Variants in ACSM3 observed in about 807,000 individuals in gnomAD.
The protein encoded by ACSM3 is acyl-coenzyme A synthetase ACSM3, mitochondrial.
ACSM3 carries 61 observed loss-of-function variants against 74.1 expected under a neutral mutation model. The observed-to-expected ratio is 0.82, with a 90% CI of 0.67 to 1.02. The LOEUF (loss-of-function observed/expected upper bound fraction) is 1.02. Ranked by LOEUF, ACSM3 falls within the 50% of genes least tolerant of loss-of-function variation. ACSM3 has a pLI of 0.00. For missense variants in ACSM3, 660 were observed against 697.0 expected, an observed-to-expected ratio of 0.95 and a Z score of 0.60; for synonymous variants, 213 against 241.5, an observed-to-expected ratio of 0.88 and a Z score of 1.09.
At chr16:20,742,720 A>G (rs968802884) in intron 1 of ACSM3, among the ~76,000 whole-genome samples, 1 of 150,914 alleles carries the variant, frequency 6.6e-6, no homozygotes, top group Non-Finnish European at 1.5e-5. Flanking sequence ...TGCACGGACA[A>G]GTGGCTGACT....
intron 2 of ACSM3, among the ~76,000 whole-genome samples, chr16:20,750,180 T>G (rs1472873220): frequency 6.6e-6 from 1 of 152,356 alleles, no homozygotes; most frequent in East Asian, 1.9e-4. Flanking sequence ...ACTAGTTACA[T>G]ATATCTATCC....
chr16:20,731,707 A>C (rs1337441413), intron 1 of ACSM3: 10 of 406,526 alleles, frequency 2.5e-5, no homozygotes, highest in Middle Eastern at 3.7e-4. Flanking sequence ...TCATGTGAAA[A>C]AAATCAACTG....
chr16:20,793,401 GGA>G (rs1164502370), intron 12 of ACSM3, among the ~76,000 whole-genome samples: 2 of 152,158 alleles, frequency 1.3e-5, no homozygotes, highest in Admixed American at 6.5e-5. Context: ...CCCGGGACGG[GGA>G]GGTTACAGTG....
intron 3 of ACSM3, among the ~76,000 whole-genome samples, chr16:20,756,583 T>C (rs1183518044): frequency 6.6e-6 from 1 of 152,336 alleles, no homozygotes; most frequent in African/African-American, 2.4e-5. Flanking sequence ...ATTTTGTAAG[T>C]TGCCTTTTCA....
intron 4 of ACSM3, among the ~76,000 whole-genome samples, chr16:20,779,031 G>C (rs1020005374): frequency 2.0e-5 from 3 of 152,140 alleles, no homozygotes; most frequent in South Asian, 4.1e-4. Flanking sequence ...GATTACAGGC[G>C]TGAGCCACTG....
chr16:20,727,552 C>G (rs2079811263), intron 1 of ACSM3: 1 of 268,338 alleles, frequency 3.7e-6, no homozygotes, highest in Non-Finnish European at 7.6e-6. Flanking sequence ...TGAAGTGCCT[C>G]CATCCCACTC....
Position 20,769,237 on chromosome 16 carries a change from T to G in ACSM3, c.-51-747T>G, listed in dbSNP as rs147553851. Among the ~76,000 whole-genome samples, 260 of 152,320 alleles carry G rather than the reference T, an allele frequency of 1.7e-3. 2 individuals carry two copies. The Middle Eastern group carries it at 0.024, about 14-fold the overall frequency. ...CTCAAACACTCATAATCCCTAGAACTGTATTTTTAACAGCCTCAACCAAGT... is the reference window on the plus strand; with the variant it reads ...CTCAAACACTCATAATCCCTAGAACGGTATTTTTAACAGCCTCAACCAAGT... On this transcript the variant is annotated intron_variant, in intron 1 of 13. Coordinates refer to ENST00000289416, the MANE Select transcript of ACSM3 (RefSeq NM_005622.4).
At position 20,711,803 on chromosome 16, in the gene ACSM3, A is replaced by G. The variant is rs2079744919; in HGVS notation, c.-190+36981A>G. On this transcript the variant is annotated intron_variant, in intron 1 of 3. Transcript: ENST00000561584. ...GAGTTGATCTGGGCTCCTACTCGGA[A>G]AAGAATTACCTAATAACCAGATTTA... is the stretch of plus-strand genomic sequence containing the variant. The G allele has an allele frequency of 4.5e-5, 15 of 336,574 alleles. No homozygotes were observed. The Admixed American group carries it at 6.1e-4, about 14-fold the overall frequency. The allele number at this position is 336,574 out of a possible 1,614,324, so 20.8% of individuals were successfully genotyped here.
chr16:20,691,320 T>A (rs1290202868), intron 1 of ACSM3: 1 of 712,192 alleles, frequency 1.4e-6, no homozygotes, highest in African/African-American at 1.8e-5. Context: ...GGTTAATTGC[T>A]ACAGTTATAG....
At chr16:20,769,163 T>C (rs1362040866) in intron 1 of ACSM3, among the ~76,000 whole-genome samples, 1 of 152,184 alleles carries the variant, frequency 6.6e-6, no homozygotes, top group African/African-American at 2.4e-5. Flanking sequence ...GTAATATATA[T>C]TGCATTGTAG....
At chr16:20,733,029 T>C (rs1289643318) in intron 1 of ACSM3, 1 of 153,626 alleles carries the variant, frequency 6.5e-6, no homozygotes, top group African/African-American at 2.4e-5. Flanking sequence ...GTAATATGAT[T>C]GCTTTCTCGA....
chr16:20,676,105 A>G (rs1180180927), intron 1 of ACSM3: 1 of 152,248 alleles, frequency 6.6e-6, no homozygotes, highest in Non-Finnish European at 1.5e-5. Flanking sequence ...GTTCAAAGAG[A>G]TACAGGCTCC....
chr16:20,675,402 T>C (rs947204277), intron 1 of ACSM3, among the ~76,000 whole-genome samples: 1 of 152,036 alleles, frequency 6.6e-6, no homozygotes, highest in Non-Finnish European at 1.5e-5. Context: ...ATATGGCTGA[T>C]AGGTTGAGCT....
intron 1 of ACSM3, among the ~76,000 whole-genome samples, chr16:20,686,978 ATTT>A (rs34041438): frequency 0.13 from 16,991 of 135,916 alleles, 1,047 homozygotes; most frequent in South Asian, 0.22. Context: ...AAATTTTGTG[ATTT>A]TTTTTTTTTT....
At chr16:20,753,315 T>C (rs2080002696) in intron 2 of ACSM3, among the ~76,000 whole-genome samples, 1 of 151,688 alleles carries the variant, frequency 6.6e-6, no homozygotes, top group Non-Finnish European at 1.5e-5. Flanking sequence ...AATACAAAAA[T>C]TAGCCAGGCA....
chr16:20,700,066 G>T (rs901331896), intron 1 of ACSM3, among the ~76,000 whole-genome samples: 2 of 152,148 alleles, frequency 1.3e-5, no homozygotes, highest in Non-Finnish European at 2.9e-5. Flanking sequence ...AATGCTCCTG[G>T]AAACCATATA....
intron 12 of ACSM3, among the ~76,000 whole-genome samples, chr16:20,794,071 G>T (rs992330372): frequency 6.6e-6 from 1 of 152,200 alleles, no homozygotes; most frequent in African/African-American, 2.4e-5. Context: ...CCTAGTAGAA[G>T]ATGTGAGTGG....
At chr16:20,701,120 T>A (rs2079711629) in intron 1 of ACSM3, among the ~76,000 whole-genome samples, 1 of 152,090 alleles carries the variant, frequency 6.6e-6, no homozygotes, top group African/African-American at 2.4e-5. Context: ...AGGTCATAAT[T>A]TATATATAAA....
At chr16:20,777,056 T>A (rs1031445527) in intron 3 of ACSM3, among the ~76,000 whole-genome samples, 5 of 152,102 alleles carry the variant, frequency 3.3e-5, no homozygotes, top group African/African-American at 4.8e-5. Context: ...AAACATATAA[T>A]CAAATACTCA....
Sources: allele counts gnomAD v4.1 joint callset (sites outside exome capture counted in the v4.1 genomes callset), GRCh38; gene constraint gnomAD v4.1.1; transcripts MANE v1.5; gene names NCBI Gene and HGNC (gene_info 2026-07-23, HGNC 2026-07-21).